INTS2: variants seen among roughly 807,000 people sequenced by gnomAD.
INTS2 encodes the protein integrator complex subunit 2, also known as KIAA1287.
Under a neutral mutation model 139.6 loss-of-function variants are expected in INTS2, and 57 were observed. The ratio of observed to expected loss-of-function variants is 0.41; its 90% CI spans 0.33 to 0.51. The LOEUF is 0.51. Ranked by LOEUF, INTS2 falls within the 20% of genes least tolerant of loss-of-function variation. INTS2 has a pLI of 0.28. For missense variants in INTS2, 1,196 were observed against 1,436.7 expected (o/e 0.83, Z 2.71); for synonymous variants, 473 against 493.4 (o/e 0.96, Z 0.55).
Position 61,891,646 on chromosome 17 carries a change from T to G in INTS2, c.1742A>C (p.His581Pro). 1 of 1,612,960 alleles carries G rather than the reference T, an allele frequency of 6.2e-7. No individual in the cohort carries two copies. The highest frequency in any genetic ancestry group is 8.5e-7 in the Non-Finnish European group (1 of 1,179,090). The change falls in exon 14 of 25, where the codon CAT (histidine) becomes CCT (proline). Residue 581 changes from histidine (H) to proline (P), a missense_variant. Around this residue, in one of 3 missense-constraint regions of INTS2, gnomAD observed 1,129 missense variants for 1,341.9 expected, o/e 0.84. Transcript: ENST00000251334. The stretch of plus-strand genomic sequence containing the variant: ...ATCAATCAAAGGAAGTAATTGAGGA[T>G]GAAGTGGAGTAGAGGTTTCACACAG... ...RQLCETSTPL[H>P]PQLLPLIDVY...
rs2145912770 is a variant in INTS2 at position 61,880,996 on chromosome 17, ATTTACT to A, written c.2254+5_2254+10del. The A allele has an allele frequency of 1.2e-6, 2 of 1,608,080 alleles. No homozygotes were observed. Among genetic ancestry groups the A allele is most frequent in the Non-Finnish European group, 8.5e-7 (1 of 1,174,868 alleles). ...AAAAGGGGTTAAAGGAGTATCAATA[ATTTACT>A]ATACCTTCTTGGAGTTGTTTGGGAG... On this transcript the variant is annotated splice_donor_5th_base_variant and intron_variant, in intron 17 of 24. Coordinates refer to ENST00000251334, the MANE Select transcript of INTS2 (RefSeq NM_001351695.2).
chr17:61,919,380 C>T lies in INTS2; in HGVS notation c.649+20G>A, dbSNP rs2079615551. 8.1e-7 allele frequency: 1 copy of T among 1,228,350 alleles called. No homozygotes were observed. The highest frequency in any genetic ancestry group is 1.3e-5 in the South Asian group (1 of 77,884). 76.1% of individuals were successfully genotyped at this position (1,228,350 alleles called of 1,614,324 possible). A position where few individuals can be genotyped will look rare whatever the true frequency, so the allele number is the denominator to read the frequency against. ...GTCCAAGCAAGTCTTTTCAATATAC[C>T]ATATTAGAATCATATTTACCTTCAT... On this transcript the variant is annotated intron_variant, in intron 5 of 24. Coordinates refer to ENST00000251334, the MANE Select transcript of INTS2 (RefSeq NM_001351695.2).
Position 61,865,417 on chromosome 17 carries a change from G to A in INTS2, c.*2140C>T, listed in dbSNP as rs1474247343. On this transcript the variant is annotated 3_prime_UTR_variant, in exon 25 of 25. Transcript: ENST00000251334. This position sits in a 1 kb window ranked among gnomAD's most constrained non-coding sequence, Gnocchi z 4.8. ...TTATAAACCAATATTCAAAATAGCTGCACACATCTGTTTTCACTTGAATAA... is the reference window on the plus strand; with the variant it reads ...TTATAAACCAATATTCAAAATAGCTACACACATCTGTTTTCACTTGAATAA... 2.0e-5 allele frequency: 3 copies of A among 152,534 alleles called. No individual in the cohort carries two copies. The highest frequency in any genetic ancestry group is 1.9e-4 in the East Asian group (1 of 5,202). 9.4% of individuals were successfully genotyped at this position (152,534 alleles called of 1,614,324 possible). A position where few individuals can be genotyped will look rare whatever the true frequency, so the allele number is the denominator to read the frequency against.
chr17:61,869,135 A>T lies in INTS2; in HGVS notation c.3143T>A (p.Phe1048Tyr), dbSNP rs1603371079. 2 of 1,584,496 alleles carry T rather than the reference A, an allele frequency of 1.3e-6. No homozygotes were observed. Among genetic ancestry groups the T allele is most frequent in the Admixed American group, 3.4e-5 (2 of 59,552 alleles). ...IAQPELEKQIFAIQLLSHLCI... is the reference protein window; with the variant it reads ...IAQPELEKQIYAIQLLSHLCI... ...CAAGTGAGAAAGCAACTGGATAGCA[A>T]ATATCTGCAATACAAAATCCAGTTA... Residue 1048 changes from phenylalanine (F) to tyrosine (Y), a missense_variant, in exon 23 of 25, where the codon TTT becomes TAT. Phe to Tyr is a conservative substitution (Grantham distance 22). Coordinates refer to ENST00000251334, the MANE Select transcript of INTS2 (RefSeq NM_001351695.2). The surrounding 1 kb of genome is among the most constrained non-coding windows in gnomAD (Gnocchi z 5.4).
intron 8 of INTS2, among the ~76,000 whole-genome samples, chr17:61,906,048 A>C (rs1296156660): frequency 6.6e-6 from 1 of 152,170 alleles, no homozygotes; most frequent in Non-Finnish European, 1.5e-5. Context: ...CTGTTTTTGG[A>C]ATATAATGTT....
intron 14 of INTS2, among the ~76,000 whole-genome samples, chr17:61,890,754 A>G (rs1465748602): frequency 6.6e-6 from 1 of 150,766 alleles, no homozygotes; most frequent in African/African-American, 2.4e-5. Flanking sequence ...TAGACTTTAA[A>G]GTGAAGCTTA....
intron 1 of INTS2, 63 bp from the exon 2 acceptor site, chr17:61,926,725 T>C: frequency 2.3e-6 from 3 of 1,320,540 alleles, no homozygotes; most frequent in Non-Finnish European, 3.2e-6. Context: ...CACCCAACTT[T>C]CTAAAAACCC....
intron 17 of INTS2, among the ~76,000 whole-genome samples, chr17:61,880,667 G>C (rs2079169592): frequency 1.3e-5 from 2 of 151,988 alleles, no homozygotes; most frequent in Non-Finnish European, 2.9e-5. Context: ...TAGGAGGACT[G>C]CTTGAGCCCA....
At chr17:61,921,659 G>A in intron 4 of INTS2, 66 bp downstream of exon 4, 3 of 751,744 alleles carry the variant, frequency 4.0e-6, no homozygotes, top group South Asian at 2.5e-5. Context: ...ACCAGGCTAA[G>A]AAGTTACACA....
In INTS2 at chr17:61,878,074, G is replaced by C. The variant is rs201544726; in HGVS notation, c.2269C>G (p.Pro757Ala). ...TGCATCACTTGTGTGTTATTTACTG[G>C]GACAGCTGAAAATGCTAAAAAGAAA... ...KQLQEAFSAV[P>A]VNNTQVMQII... is the part of the protein sequence containing the mutation. The change falls in exon 18 of 25, where the codon CCA becomes GCA. Residue 757 changes from proline to alanine, a missense_variant. Coordinates refer to ENST00000251334, the MANE Select transcript of INTS2 (RefSeq NM_001351695.2). 1 of 1,608,230 alleles carries C rather than the reference G, an allele frequency of 6.2e-7. No homozygotes were observed. Among genetic ancestry groups the C allele is most frequent in the Non-Finnish European group, 8.5e-7 (1 of 1,174,832 alleles).
chr17:61,910,723 CCAT>C (rs892531468), intron 7 of INTS2: 4 of 151,496 alleles, frequency 2.6e-5, no homozygotes, highest in Admixed American at 1.3e-4. Context: ...GTATATTTTA[CCAT>C]AATAAAAACA....
At chr17:61,889,020 C>CAAAAACA (rs201252855) in intron 15 of INTS2, among the ~76,000 whole-genome samples, 10,690 of 141,022 alleles carry the variant, frequency 0.076, 1,445 homozygotes, top group African/African-American at 0.26. Context: ...GCAAGACTGT[C>CAAAAACA]AAAAACAAAA....
At chr17:61,891,457 G>C (rs920322325) in intron 14 of INTS2, 56 bp downstream of exon 14, 5 of 1,327,370 alleles carry the variant, frequency 3.8e-6, no homozygotes, top group Non-Finnish European at 5.3e-6. Flanking sequence ...TATGGGTTAA[G>C]TAAGAAGAAC....
In INTS2 at chr17:61,875,634, C is replaced by T. The variant is rs1312872081; in HGVS notation, c.2457-596G>A. ...TGAAGCCCAGGAATCCACCAGAGAACTTCCCCCTCTTAAATATGACTGTAT... is the reference window on the plus strand; with the variant it reads ...TGAAGCCCAGGAATCCACCAGAGAATTTCCCCCTCTTAAATATGACTGTAT... On this transcript the variant is annotated intron_variant, in intron 18 of 24. Transcript: ENST00000251334. This position sits in a 1 kb window ranked among gnomAD's most constrained non-coding sequence, Gnocchi z 4.6. Among the ~76,000 whole-genome samples, 1 of 152,012 alleles carries T rather than the reference C, an allele frequency of 6.6e-6. No homozygotes were observed. Among genetic ancestry groups the T allele is most frequent in the Non-Finnish European group, 1.5e-5 (1 of 68,016 alleles).
chr17:61,907,470 A>G lies in INTS2; in HGVS notation c.1119T>C (p.His373=), dbSNP rs1020394073. 4 of 1,603,490 alleles carry G rather than the reference A, an allele frequency of 2.5e-6. No homozygotes were observed. The highest frequency in any genetic ancestry group is 3.4e-6 in the Non-Finnish European group (4 of 1,175,318). ...GTAAGAGTGCACTGGCTTTCACAAC[A>G]TGCTCTTCTTTCAGCCCCGAATACA... The part of the protein sequence containing the change: ...VSVYSGLKEE[H]VVKASALLRL... The change falls in exon 8 of 25, where the codon CAT becomes CAC. Residue 373 remains histidine, a synonymous_variant. Coordinates refer to ENST00000251334, the MANE Select transcript of INTS2 (RefSeq NM_001351695.2).
In INTS2 at chr17:61,866,536, G is replaced by A. The variant is rs562251026; in HGVS notation, c.*1021C>T. 1.3e-5 allele frequency: 2 copies of A among 152,128 alleles called. No individual in the cohort carries two copies. Among genetic ancestry groups the A allele is most frequent in the East Asian group, 3.9e-4 (2 of 5,174 alleles). 9.4% of individuals were successfully genotyped at this position (152,128 alleles called of 1,614,324 possible). ...CTAATCAATGGAAGTTACTGACAGA[G>A]GACTGCAAAATCCTTCGGCAAGACA... On this transcript the variant is annotated 3_prime_UTR_variant, in exon 25 of 25. Transcript: ENST00000251334.
chr17:61,917,278 C>T (rs2079592669), intron 5 of INTS2, among the ~76,000 whole-genome samples: 1 of 152,186 alleles, frequency 6.6e-6, no homozygotes, highest in Admixed American at 6.5e-5. Flanking sequence ...AGCAGTCTCA[C>T]TGCTGGATAT....
chr17:61,908,329 C>T (rs11656805), intron 7 of INTS2, among the ~76,000 whole-genome samples: 28,589 of 152,088 alleles, frequency 0.19, 3,158 homozygotes, highest in Admixed American at 0.31. Context: ...GCACAAGAAT[C>T]GCTTGAACCC....
chr17:61,869,838 T>C lies in INTS2; in HGVS notation c.2929A>G (p.Asn977Asp), dbSNP rs2079074738. Reference protein sequence around the residue: ...PNKGMEEGEDNLLCNLREVQC... With the variant: ...PNKGMEEGEDDLLCNLREVQC... ...ACTTCTCGAAGGTTACAGAGCAAAT[T>C]GTCTTCTCCTTCCTCCATTCCCTTA... Residue 977 changes from asparagine to aspartate, a missense_variant, in exon 21 of 25, where the codon AAT becomes GAT. Asn to Asp is a conservative substitution (Grantham distance 23, BLOSUM62 1). Transcript: ENST00000251334. This position sits in a 1 kb window ranked among gnomAD's most constrained non-coding sequence, Gnocchi z 5.4. The C allele has an allele frequency of 6.2e-7, 1 of 1,613,810 alleles. No individual in the cohort carries two copies. Among genetic ancestry groups the C allele is most frequent in the African/African-American group, 1.3e-5 (1 of 74,926 alleles).
Sources: allele counts gnomAD v4.1 joint callset (sites outside exome capture counted in the v4.1 genomes callset), GRCh38; gene constraint gnomAD v4.1.1; regional missense constraint gnomAD v4.1.1; non-coding constraint Gnocchi (gnomAD v3.1); transcripts MANE v1.5; gene names NCBI Gene and HGNC (gene_info 2026-07-23, HGNC 2026-07-21).